The following ENTREP2 variants were observed in gnomAD, a reference collection of about 807,000 sequenced individuals.
ENTREP2 encodes endosomal transmembrane epsin interactor 2.
chr15:29,448,049 G>C, the ENTREP2 span, among the ~76,000 whole-genome samples: 1 of 152,084 alleles, frequency 6.6e-6, no homozygotes, highest in African/African-American at 2.4e-5. Flanking sequence ...ACTCTAGCCT[G>C]GGTGATGGAG....
the ENTREP2 span, among the ~76,000 whole-genome samples, chr15:29,570,304 G>A: frequency 1.3e-5 from 2 of 151,756 alleles, no homozygotes; most frequent in African/African-American, 4.8e-5. Flanking sequence ...GAGCGGGAAC[G>A]CGATGCTCCG....
chr15:29,594,382 C>A, the ENTREP2 span, among the ~76,000 whole-genome samples: 2 of 152,310 alleles, frequency 1.3e-5, no homozygotes, highest in African/African-American at 2.4e-5. Context: ...TCCTCCCCGA[C>A]ATGCCTCCCA....
At chr15:29,597,500 G>A in the ENTREP2 span, among the ~76,000 whole-genome samples, 49 of 151,912 alleles carry the variant, frequency 3.2e-4, no homozygotes, top group Middle Eastern at 6.8e-3. Context: ...CCCGGGAGGC[G>A]GAGGTTGCTG....
chr15:29,216,493 T>C, the ENTREP2 span, among the ~76,000 whole-genome samples: 1 of 152,208 alleles, frequency 6.6e-6, no homozygotes, highest in South Asian at 2.1e-4. Flanking sequence ...TTGTGTTTCT[T>C]GTACTTGGAT....
the ENTREP2 span, among the ~76,000 whole-genome samples, chr15:29,262,348 A>G: frequency 2.0e-5 from 3 of 152,192 alleles, no homozygotes; most frequent in Non-Finnish European, 4.4e-5. Context: ...TCATTTCAGA[A>G]AAGAGTCCTG....
the ENTREP2 span, among the ~76,000 whole-genome samples, chr15:29,573,897 A>C: frequency 6.6e-6 from 1 of 152,192 alleles, no homozygotes; most frequent in East Asian, 1.9e-4. Flanking sequence ...TGTTGTATTA[A>C]ATGCAACAGC....
chr15:29,328,591 T>C, the ENTREP2 span, among the ~76,000 whole-genome samples: 1 of 152,212 alleles, frequency 6.6e-6, no homozygotes, highest in African/African-American at 2.4e-5. Flanking sequence ...AAAGAAGCTG[T>C]ACATCAGTGA....
chr15:29,223,854 C>T, the ENTREP2 span, among the ~76,000 whole-genome samples: 1 of 152,206 alleles, frequency 6.6e-6, no homozygotes, highest in Admixed American at 6.5e-5. Context: ...CAGGCACTCT[C>T]TGGAGAGGGC....
the ENTREP2 span, among the ~76,000 whole-genome samples, chr15:29,179,450 TTC>T: frequency 1.3e-5 from 2 of 152,160 alleles, no homozygotes; most frequent in Non-Finnish European, 2.9e-5. Context: ...TGGGAAGCCA[TTC>T]TCTGAGTGGG....
chr15:29,346,756 T>C, the ENTREP2 span, among the ~76,000 whole-genome samples: 2 of 152,202 alleles, frequency 1.3e-5, no homozygotes, highest in Non-Finnish European at 2.9e-5. Context: ...TTAGTGAGTT[T>C]TCTTTTTTTA....
the ENTREP2 span, among the ~76,000 whole-genome samples, chr15:29,281,724 G>C: frequency 2.0e-5 from 3 of 152,200 alleles, no homozygotes; most frequent in Admixed American, 2.0e-4. Flanking sequence ...TGTGTGAATT[G>C]GTTTGTATCA....
chr15:29,183,951 A>G, the ENTREP2 span, among the ~76,000 whole-genome samples: 2 of 152,094 alleles, frequency 1.3e-5, no homozygotes, highest in African/African-American at 2.4e-5. Flanking sequence ...GTATTATATT[A>G]TTCTCATACT....
the ENTREP2 span, among the ~76,000 whole-genome samples, chr15:29,418,457 T>C: frequency 4.4e-4 from 67 of 152,238 alleles, 1 homozygote; most frequent in Non-Finnish European, 7.6e-4. Context: ...CCAGGCACCA[T>C]GACTTAGAAT....
chr15:29,517,330 TTCTA>T, the ENTREP2 span, among the ~76,000 whole-genome samples: 52 of 152,334 alleles, frequency 3.4e-4, no homozygotes, highest in East Asian at 1.2e-3. Flanking sequence ...CTGCTATTAC[TTCTA>T]TCTTAGACGT....
At chr15:29,619,405 A>T in the ENTREP2 span, among the ~76,000 whole-genome samples, 1 of 152,058 alleles carries the variant, frequency 6.6e-6, no homozygotes, top group Non-Finnish European at 1.5e-5. Context: ...AAATAAATAA[A>T]TAAATAAGTC....
At chr15:29,259,886 C>T in the ENTREP2 span, among the ~76,000 whole-genome samples, 2 of 151,846 alleles carry the variant, frequency 1.3e-5, no homozygotes, top group South Asian at 2.1e-4. Flanking sequence ...AACCTCTGTA[C>T]AAATTGAAGT....
chr15:29,364,876 A>G, the ENTREP2 span, among the ~76,000 whole-genome samples: 1 of 152,174 alleles, frequency 6.6e-6, no homozygotes, highest in Admixed American at 6.5e-5. Flanking sequence ...AGCCGCCAGC[A>G]GAGTGGTGCA....
At chr15:29,566,020 T>C in the ENTREP2 span, among the ~76,000 whole-genome samples, 1 of 151,822 alleles carries the variant, frequency 6.6e-6, no homozygotes, top group South Asian at 2.1e-4. Flanking sequence ...TTCTAATACA[T>C]TTTATGATTG....
the ENTREP2 span, among the ~76,000 whole-genome samples, chr15:29,224,589 G>C: frequency 1.3e-5 from 2 of 152,136 alleles, no homozygotes; most frequent in Admixed American, 1.3e-4. Flanking sequence ...CTCCTCACTA[G>C]ATTAGCTAGA....
Sources: gnomAD v4.1 joint callset for allele counts (sites outside exome capture counted in the v4.1 genomes callset) on GRCh38, gnomAD v4.1.1 for gene constraint, MANE v1.5 for transcripts, NCBI Gene and HGNC (gene_info 2026-07-23, HGNC 2026-07-21) for gene names.